SLC35F3: variants seen among roughly 807,000 people sequenced by gnomAD.
The protein encoded by SLC35F3 is putative thiamine transporter SLC35F3.
SLC35F3 carries 25 observed loss-of-function variants against 49.9 expected under a neutral mutation model. That is an observed-to-expected ratio of 0.50 (90% CI 0.37 to 0.70). SLC35F3 has a LOEUF of 0.70. SLC35F3 is among the 30% of genes least tolerant of loss of function. The pLI, the probability that SLC35F3 is intolerant of heterozygous loss-of-function variation, is 0.00. For missense variants in SLC35F3, 525 were observed against 639.8 expected (o/e 0.82, Z 1.94); for synonymous variants, 275 against 265.4 (o/e 1.04, Z -0.35).
chr1:234,167,380 G>T (rs1175814576), intron 2 of SLC35F3, among the ~76,000 whole-genome samples: 1 of 152,150 alleles, frequency 6.6e-6, no homozygotes, highest in African/African-American at 2.4e-5. Flanking sequence ...AGCCCTGCTG[G>T]GAGAGCAGGC....
chr1:234,088,519 T>C (rs1664992900), intron 2 of SLC35F3, among the ~76,000 whole-genome samples: 1 of 152,128 alleles, frequency 6.6e-6, no homozygotes, highest in African/African-American at 2.4e-5. Context: ...GTAAACAGTT[T>C]TGAATCAATG....
At chr1:233,912,349 G>A (rs994249820) in intron 2 of SLC35F3, among the ~76,000 whole-genome samples, 2 of 152,022 alleles carry the variant, frequency 1.3e-5, no homozygotes, top group Non-Finnish European at 2.9e-5. Context: ...ATGGTGGTGG[G>A]CACCTGTAAT....
chr1:234,321,909 G>A (rs974041762), intron 7 of SLC35F3, among the ~76,000 whole-genome samples: 1 of 152,034 alleles, frequency 6.6e-6, no homozygotes, highest in Non-Finnish European at 1.5e-5. Flanking sequence ...GGCCAGGCAC[G>A]GGAGCTCACG....
chr1:234,261,342 G>A (rs1274461794), intron 3 of SLC35F3, among the ~76,000 whole-genome samples: 1 of 152,198 alleles, frequency 6.6e-6, no homozygotes, highest in Non-Finnish European at 1.5e-5. Flanking sequence ...GTTTATTTGA[G>A]TTTTCTGGGA....
intron 2 of SLC35F3, among the ~76,000 whole-genome samples, chr1:233,910,070 A>G (rs530475633): frequency 3.2e-4 from 48 of 152,350 alleles, no homozygotes; most frequent in African/African-American, 1.0e-3. Flanking sequence ...TCCACAACCA[A>G]TCATCATAAA....
intron 2 of SLC35F3, among the ~76,000 whole-genome samples, chr1:234,087,998 C>T (rs1664985772): frequency 6.6e-6 from 1 of 152,214 alleles, no homozygotes; most frequent in African/African-American, 2.4e-5. Context: ...TTAGTCTCCT[C>T]ATTCTGATAT....
At chr1:234,180,721 C>T (rs1374336082) in intron 2 of SLC35F3, among the ~76,000 whole-genome samples, 1 of 152,184 alleles carries the variant, frequency 6.6e-6, no homozygotes, top group Admixed American at 6.5e-5. Context: ...TTAGAGGAAC[C>T]TTGGAGTAAA....
At chr1:234,308,493 A>C (rs2102993522) in intron 3 of SLC35F3, among the ~76,000 whole-genome samples, 1 of 152,154 alleles carries the variant, frequency 6.6e-6, no homozygotes, top group South Asian at 2.1e-4. Context: ...AGCTATCGTT[A>C]GTGTTAGTGT....
intron 2 of SLC35F3, among the ~76,000 whole-genome samples, chr1:234,139,951 T>TAATAAATAA (rs1665868204): frequency 1.1e-5 from 1 of 90,564 alleles, no homozygotes; most frequent in African/African-American, 4.0e-5. Context: ...CATCTCAAAA[T>TAATAAATAA]AATAAAATAA....
chr1:234,287,474 T>C (rs1013445770), intron 3 of SLC35F3, among the ~76,000 whole-genome samples: 7 of 152,138 alleles, frequency 4.6e-5, no homozygotes, highest in Non-Finnish European at 7.3e-5. Context: ...TAAGGAGGGG[T>C]ATATGTACTT....
At chr1:234,132,279 A>G (rs1665748381) in intron 2 of SLC35F3, among the ~76,000 whole-genome samples, 1 of 152,204 alleles carries the variant, frequency 6.6e-6, no homozygotes, top group Non-Finnish European at 1.5e-5. Context: ...TGCCTCGTAC[A>G]TTGCTAATTT....
intron 3 of SLC35F3, among the ~76,000 whole-genome samples, chr1:234,277,452 C>G (rs1368670514): frequency 1.3e-5 from 2 of 152,264 alleles, no homozygotes; most frequent in African/African-American, 4.8e-5. Context: ...TTTACCCAGA[C>G]ACACTGGCCA....
Position 234,268,261 on chromosome 1 carries a change from C to G in SLC35F3, c.608+36520C>G, listed in dbSNP as rs377538743. On this transcript the variant is annotated intron_variant, in intron 3 of 7. Coordinates refer to ENST00000366618, the MANE Select transcript of SLC35F3 (RefSeq NM_173508.4). ...CGCGATTAGGAGCTGGAGACCAGCC[C>G]GGCCAACACAGCGAAACCCCGTCTC... is the stretch of plus-strand genomic sequence containing the variant. Among the ~76,000 whole-genome samples, 3 of 152,244 alleles carry G rather than the reference C, an allele frequency of 2.0e-5. 1 individual carries two copies. Among genetic ancestry groups the G allele is most frequent in the Middle Eastern group, 6.8e-3 (2 of 294 alleles).
chr1:234,148,642 AT>A (rs537263401), intron 2 of SLC35F3, among the ~76,000 whole-genome samples: 56 of 152,318 alleles, frequency 3.7e-4, no homozygotes, highest in South Asian at 1.9e-3. Context: ...ACATCACTCG[AT>A]TTACATTTTA....
At chr1:234,192,146 A>G (rs1572088712) in intron 2 of SLC35F3, among the ~76,000 whole-genome samples, 1 of 152,156 alleles carries the variant, frequency 6.6e-6, no homozygotes, top group Admixed American at 6.6e-5. Flanking sequence ...AGGAAAGGAC[A>G]TAATAAAAAA....
chr1:233,960,933 C>T (rs1662789541), intron 2 of SLC35F3, among the ~76,000 whole-genome samples: 1 of 149,880 alleles, frequency 6.7e-6, no homozygotes, highest in South Asian at 2.2e-4. Flanking sequence ...GGTGGCTCCA[C>T]ACACCTGCAC....
intron 2 of SLC35F3, among the ~76,000 whole-genome samples, chr1:234,141,197 A>G (rs777491747): frequency 6.6e-5 from 10 of 152,294 alleles, no homozygotes; most frequent in Non-Finnish European, 1.2e-4. Flanking sequence ...AAGAAGGTCT[A>G]TGATAAGTGA....
chr1:233,968,813 C>T (rs2102815988), intron 2 of SLC35F3, among the ~76,000 whole-genome samples: 1 of 152,242 alleles, frequency 6.6e-6, no homozygotes, highest in Middle Eastern at 3.4e-3. Flanking sequence ...CCTCATCCCC[C>T]TCCCACTCTC....
chr1:233,989,545 A>G (rs531539184), intron 2 of SLC35F3, among the ~76,000 whole-genome samples: 9 of 152,206 alleles, frequency 5.9e-5, no homozygotes, highest in Admixed American at 1.3e-4. Context: ...TGATGTTTTC[A>G]TGAGTGAGAA....
Sources: gnomAD v4.1 joint callset for allele counts (sites outside exome capture counted in the v4.1 genomes callset) on GRCh38, gnomAD v4.1.1 for gene constraint, MANE v1.5 for transcripts, NCBI Gene and HGNC (gene_info 2026-07-23, HGNC 2026-07-21) for gene names.